SEC16A: variants seen among roughly 807,000 people sequenced by gnomAD.
SEC16A encodes SEC16 homolog A, endoplasmic reticulum export factor.
SEC16A carries 110 observed loss-of-function variants against 221.9 expected under a neutral mutation model. That is an observed-to-expected ratio of 0.50 (90% CI 0.42 to 0.58). The LOEUF is 0.58. Among genes scored for constraint, SEC16A ranks in the 20% least tolerant of loss-of-function variants. SEC16A has a pLI of 0.00. For synonymous variants in SEC16A, 1,393 were observed against 1,257.7 expected, an observed-to-expected ratio of 1.11 and a Z score of -2.28; for missense variants, 3,165 against 3,097.8, an observed-to-expected ratio of 1.02 and a Z score of -0.52.
chr9:136,463,856 G>A, intron 9 of SEC16A, 116 bp from the exon 10 acceptor site: 1 of 1,055,662 alleles, frequency 9.5e-7, no homozygotes, highest in Non-Finnish European at 1.5e-6. Flanking sequence ...TGGCCCACCT[G>A]CCCCGCCCCA....
At chr9:136,469,225 C>T (rs1840549282) in intron 4 of SEC16A, among the ~76,000 whole-genome samples, 1 of 152,180 alleles carries the variant, frequency 6.6e-6, no homozygotes, top group Admixed American at 6.5e-5. Context: ...TTGGTACTCC[C>T]TGTACCCGTG....
chr9:136,483,120 C>T (rs1443073451), upstream of SEC16A: 2 of 700,032 alleles, frequency 2.9e-6, no homozygotes, highest in African/African-American at 3.9e-5. Context: ...TGGCCCCGCC[C>T]CTCGGCTCGT....
upstream of SEC16A, chr9:136,483,072 A>C (rs1842621653): frequency 8.3e-6 from 8 of 966,590 alleles, no homozygotes; most frequent in Non-Finnish European, 9.8e-6. Flanking sequence ...CGCGCCGCCG[A>C]CGTGTCCGGC....
chr9:136,473,044 T>C (rs1426857123), intron 3 of SEC16A, among the ~76,000 whole-genome samples: 1 of 152,228 alleles, frequency 6.6e-6, no homozygotes, highest in Non-Finnish European at 1.5e-5. Flanking sequence ...TTCTGGAACC[T>C]ACACAGGTCT....
At chr9:136,469,477 A>C (rs1840583117) in intron 4 of SEC16A, among the ~76,000 whole-genome samples, 1 of 152,188 alleles carries the variant, frequency 6.6e-6, no homozygotes, top group South Asian at 2.1e-4. Flanking sequence ...AGCCTGGTAA[A>C]CACAGTGAGA....
At chr9:136,483,734 G>T, upstream of SEC16A, 1 of 985,430 alleles carries the variant, frequency 1.0e-6, no homozygotes, top group Non-Finnish European at 1.2e-6. Context: ...AGAAGCGCGG[G>T]GCCCTGACGC....
In SEC16A at chr9:136,459,873, C is replaced by A; in HGVS notation, c.5075G>T (p.Cys1692Phe). ...ATCTCCCCATTTCTCGTCTCCACAG[C>A]ACTAACATGAGGAAAAACAAAACGA... ...MSGRMPAAST[C>F]CGDEKWGDWR... Residue 1692 changes from cysteine to phenylalanine, a missense_variant and splice_region_variant, in exon 15 of 32, where the codon TGC becomes TTC. By Grantham distance (205) the Cys-to-Phe change is radical. This residue lies in a region of SEC16A where 1,088 missense variants were observed against 1,089.6 expected (regional missense o/e 1.00). Coordinates refer to ENST00000684901, the MANE Select transcript of SEC16A (RefSeq NM_014866.2). This position sits in a 1 kb window ranked among gnomAD's most constrained non-coding sequence, Gnocchi z 6.1. 1 of 1,612,088 alleles carries A rather than the reference C, an allele frequency of 6.2e-7. No homozygotes were observed. Among genetic ancestry groups the A allele is most frequent in the East Asian group, 2.2e-5 (1 of 44,860 alleles).
chr9:136,456,068 C>T lies in SEC16A; in HGVS notation c.5649G>A (p.Val1883=), dbSNP rs1008730167. 1.9e-6 allele frequency: 3 copies of T among 1,612,382 alleles called. No individual in the cohort carries two copies. The highest frequency in any genetic ancestry group is 2.7e-5 in the African/African-American group (2 of 75,006). The part of the protein sequence containing the change: ...APTWLVHLQQ[V]ERQIKEGAGV... ...AAGGCTGTACCTTAATCTGCCGCTCCACCTGCTGCAGGTGAACCAGCCACG... is the reference window on the plus strand; with the variant it reads ...AAGGCTGTACCTTAATCTGCCGCTCTACCTGCTGCAGGTGAACCAGCCACG... Residue 1883 remains valine (V), a synonymous_variant, in exon 19 of 32, where the codon GTG becomes GTA. Transcript: ENST00000684901.
chr9:136,450,569 G>A lies in SEC16A; in HGVS notation c.6312+687C>T, dbSNP rs533725935. On this transcript the variant is annotated intron_variant, in intron 23 of 31. Coordinates refer to ENST00000684901, the MANE Select transcript of SEC16A (RefSeq NM_014866.2). Reference sequence around the variant, plus strand: ...ACAGGGACACGAGAAGGTGCCCAGCGTCACACCTCGCTGTGGAGATGCAGA... The same window carrying A: ...ACAGGGACACGAGAAGGTGCCCAGCATCACACCTCGCTGTGGAGATGCAGA... Among the ~76,000 whole-genome samples the A allele has an allele frequency of 1.3e-4, 20 of 152,234 alleles. 1 individual carries two copies. The East Asian group carries it at 3.5e-3, about 26-fold the overall frequency.
chr9:136,444,054 T>C, intron 30 of SEC16A, 154 bp from the exon 31 acceptor site: 1 of 552,592 alleles, frequency 1.8e-6, no homozygotes, highest in Non-Finnish European at 3.2e-6. Flanking sequence ...ACACTGGATT[T>C]AGTTATTTAA....
Position 136,475,798 on chromosome 9 carries a change from A to C in SEC16A, c.1818T>G (p.Ser606Arg). ...PPKPTGIFQT[S>R]ANSSFEPVKS... Reference sequence around the variant, plus strand: ...TTACCGGTTCGAAAGAACTATTTGCACTTGTCTGAAATATTCCTGTAGGTT... The same window carrying C: ...TTACCGGTTCGAAAGAACTATTTGCCCTTGTCTGAAATATTCCTGTAGGTT... Residue 606 changes from serine (S) to arginine (R), a missense_variant, in exon 3 of 32, where the codon AGT (serine) becomes AGG (arginine). Ser to Arg is a moderately radical substitution (Grantham distance 110, BLOSUM62 -1). This residue lies in a region of SEC16A where 2,030 missense variants were observed against 1,923.1 expected (regional missense o/e 1.06). Coordinates refer to ENST00000684901, the MANE Select transcript of SEC16A (RefSeq NM_014866.2). This position sits in a 1 kb window ranked among gnomAD's most constrained non-coding sequence, Gnocchi z 5.0. 1 of 1,587,338 alleles carries C rather than the reference A, an allele frequency of 6.3e-7. No individual in the cohort carries two copies. The highest frequency in any genetic ancestry group is 8.6e-7 in the Non-Finnish European group (1 of 1,166,588).
At chr9:136,473,365 G>A (rs1841154068) in intron 3 of SEC16A, among the ~76,000 whole-genome samples, 1 of 152,260 alleles carries the variant, frequency 6.6e-6, no homozygotes, top group East Asian at 1.9e-4. Flanking sequence ...AGCAGATAAT[G>A]ATCAAATGTG....
intron 30 of SEC16A, among the ~76,000 whole-genome samples, 157 bp downstream of exon 30, chr9:136,444,895 A>C (rs1294961759): frequency 6.6e-6 from 1 of 151,844 alleles, no homozygotes; most frequent in Non-Finnish European, 1.5e-5. Flanking sequence ...AAAAAAAAAA[A>C]AAAAAAGGAA....
At position 136,445,226 on chromosome 9, in the gene SEC16A, A is replaced by G. The variant is rs989124923; in HGVS notation, c.6868-115T>C. The G allele has an allele frequency of 2.2e-5, 20 of 889,036 alleles. No individual in the cohort carries two copies. In the Middle Eastern group the frequency reaches 6.4e-4, roughly 29 times the overall value. 55.1% of individuals were successfully genotyped at this position (889,036 alleles called of 1,614,324 possible). On this transcript the variant is annotated intron_variant, in intron 29 of 31. Coordinates refer to ENST00000684901, the MANE Select transcript of SEC16A (RefSeq NM_014866.2). Reference sequence around the variant, plus strand: ...GCTTTGTGATGCCATTAGAATCAACATAACTCAAAAGGGAAAAAAAAGCCA... The same window carrying G: ...GCTTTGTGATGCCATTAGAATCAACGTAACTCAAAAGGGAAAAAAAAGCCA...
chr9:136,466,276 G>C lies in SEC16A; in HGVS notation c.4116C>G (p.Ser1372=). ...CGCCGCCGCGTACCTGGTGCGAGTG[G>C]GAGCTGAGGCTGCTGCGGCGGCTGG... ...SLASRRSSLS[S]HSHQSQIYRS... The change falls in exon 7 of 32, where the codon TCC becomes TCG. Residue 1372 remains serine, a synonymous_variant. Coordinates refer to ENST00000684901, the MANE Select transcript of SEC16A (RefSeq NM_014866.2). This position sits in a 1 kb window ranked among gnomAD's most constrained non-coding sequence, Gnocchi z 5.5. The C allele has an allele frequency of 6.3e-7, 1 of 1,580,274 alleles. No homozygotes were observed. The highest frequency in any genetic ancestry group is 8.6e-7 in the Non-Finnish European group (1 of 1,162,746).
intron 3 of SEC16A, among the ~76,000 whole-genome samples, chr9:136,472,933 G>T (rs556442994): frequency 6.6e-6 from 1 of 152,232 alleles, no homozygotes; most frequent in South Asian, 2.1e-4. Flanking sequence ...CAAAGGACCC[G>T]AAGTGAGGCC....
intron 1 of SEC16A, among the ~76,000 whole-genome samples, 138 bp from the exon 2 acceptor site, chr9:136,478,968 G>A (rs1300423722): frequency 6.6e-6 from 1 of 152,116 alleles, no homozygotes; most frequent in East Asian, 1.9e-4. Flanking sequence ...CTGGCTTAAG[G>A]TCTGAAAGGA....
chr9:136,442,566 C>T (rs1836345087), intron 31 of SEC16A, among the ~76,000 whole-genome samples: 1 of 152,214 alleles, frequency 6.6e-6, no homozygotes, highest in Non-Finnish European at 1.5e-5. Context: ...ACTCCACAGG[C>T]AAGGGAGAGG....
chr9:136,463,833 G>A (rs1412172283), intron 9 of SEC16A, 93 bp from the exon 10 acceptor site: 2 of 1,394,490 alleles, frequency 1.4e-6, no homozygotes, highest in Non-Finnish European at 1.0e-6. Context: ...GCCCGTGAGA[G>A]GAGAGGATGG....
Sources: allele counts gnomAD v4.1 joint callset (sites outside exome capture counted in the v4.1 genomes callset), GRCh38; gene constraint gnomAD v4.1.1; regional missense constraint gnomAD v4.1.1; non-coding constraint Gnocchi (gnomAD v3.1); transcripts MANE v1.5; gene names NCBI Gene and HGNC (gene_info 2026-07-23, HGNC 2026-07-21).